CUX1: variants seen among roughly 807,000 people sequenced by gnomAD.
CUX1 encodes cut like homeobox 1.
Under a neutral mutation model 158.8 loss-of-function variants are expected in CUX1, and 31 were observed. The observed-to-expected ratio is 0.20, with a 90% CI of 0.15 to 0.26. CUX1 has a LOEUF of 0.26. Ranked by LOEUF, CUX1 falls within the 10% of genes least tolerant of loss-of-function variation. The probability of loss-of-function intolerance (pLI) is 1.00; values close to 1 mark genes in which losing one functional copy is unlikely to be tolerated. For synonymous variants in CUX1, 879 were observed against 862.1 expected (o/e 1.02, Z -0.34); for missense variants, 1,589 against 2,014.6 (o/e 0.79, Z 4.04).
At chr7:102,044,190 T>G (rs1245691739) in intron 3 of CUX1, among the ~76,000 whole-genome samples, 1 of 151,144 alleles carries the variant, frequency 6.6e-6, no homozygotes, top group Non-Finnish European at 1.5e-5. Flanking sequence ...TCCGTTTTTT[T>G]GTTTTTTTTG....
At chr7:101,984,928 G>A (rs1814080512) in intron 2 of CUX1, among the ~76,000 whole-genome samples, 1 of 152,114 alleles carries the variant, frequency 6.6e-6, no homozygotes, top group Non-Finnish European at 1.5e-5. Context: ...AAACGTCTGA[G>A]AATTATAGAG....
chr7:102,158,900 C>T (rs563856060), intron 9 of CUX1, among the ~76,000 whole-genome samples: 1 of 152,352 alleles, frequency 6.6e-6, no homozygotes, highest in East Asian at 1.9e-4. Flanking sequence ...CATCTCTAAA[C>T]ACCCGTCTTT....
chr7:101,850,063 A>G (rs1796113222), intron 1 of CUX1, among the ~76,000 whole-genome samples: 3 of 152,040 alleles, frequency 2.0e-5, no homozygotes, highest in South Asian at 4.2e-4. Flanking sequence ...AGCTGGGATT[A>G]TAGGAATGTG....
chr7:101,921,603 C>T (rs780550344), intron 2 of CUX1, among the ~76,000 whole-genome samples: 7 of 151,950 alleles, frequency 4.6e-5, no homozygotes, highest in Non-Finnish European at 8.8e-5. Context: ...TGGAATTACA[C>T]GTACCCGTCA....
chr7:101,916,823 G>A lies in CUX1; in HGVS notation c.141+598G>A, dbSNP rs1235647015. 6.6e-6 allele frequency among the ~76,000 whole-genome samples: 1 copy of A among 152,080 alleles called. No individual in the cohort carries two copies. Among genetic ancestry groups the A allele is most frequent in the Non-Finnish European group, 1.5e-5 (1 of 68,020 alleles). On this transcript the variant is annotated intron_variant, in intron 2 of 23. Coordinates refer to ENST00000292535, the MANE Select transcript of CUX1 (RefSeq NM_181552.4). This position sits in a 1 kb window ranked among gnomAD's most constrained non-coding sequence, Gnocchi z 4.4. The stretch of plus-strand genomic sequence containing the variant: ...TTCTCTCGTGAGTGTGCAATCGGGG[G>A]ACAGTGTTGAGTTGCTGGGGTGGCG...
chr7:101,949,585 T>C (rs1159126281), intron 2 of CUX1, among the ~76,000 whole-genome samples: 3 of 149,348 alleles, frequency 2.0e-5, no homozygotes, highest in Non-Finnish European at 4.5e-5. Context: ...GGCTGGAATG[T>C]AGTGGCACGA....
intron 1 of CUX1, among the ~76,000 whole-genome samples, chr7:101,846,004 T>C (rs1351545640): frequency 6.7e-6 from 1 of 149,308 alleles, no homozygotes; most frequent in African/African-American, 2.5e-5. Context: ...GGAGACTCCA[T>C]CTAAAAAAAA....
chr7:101,955,064 G>A (rs543215414), intron 2 of CUX1, among the ~76,000 whole-genome samples: 2 of 152,008 alleles, frequency 1.3e-5, no homozygotes, highest in African/African-American at 2.4e-5. Flanking sequence ...CCAGCTACTC[G>A]AGAGGCAGGA....
At chr7:102,056,241 A>G (rs1356653329) in intron 3 of CUX1, among the ~76,000 whole-genome samples, 4 of 152,264 alleles carry the variant, frequency 2.6e-5, no homozygotes, top group Non-Finnish European at 5.9e-5. Context: ...ATGGCGCTAC[A>G]CAACAGATTT....
chr7:102,054,928 G>A (rs1363229504), intron 3 of CUX1, among the ~76,000 whole-genome samples: 5 of 151,492 alleles, frequency 3.3e-5, no homozygotes, highest in Non-Finnish European at 7.4e-5. Flanking sequence ...CTGAGGTTGT[G>A]ACAGTGCACT....
chr7:101,872,359 C>A (rs556726365), intron 1 of CUX1, among the ~76,000 whole-genome samples: 24 of 152,106 alleles, frequency 1.6e-4, no homozygotes, highest in African/African-American at 5.8e-4. Flanking sequence ...GTCTTGAATT[C>A]CTGACCTCAA....
chr7:101,956,260 A>T (rs1372234720), intron 2 of CUX1, among the ~76,000 whole-genome samples: 1 of 152,142 alleles, frequency 6.6e-6, no homozygotes, highest in Non-Finnish European at 1.5e-5. Context: ...TGAAATGAGA[A>T]TCGCAGTGCC....
chr7:102,208,620 G>T (rs180792217), intron 20 of CUX1, among the ~76,000 whole-genome samples: 1 of 152,298 alleles, frequency 6.6e-6, no homozygotes, highest in East Asian at 1.9e-4. Flanking sequence ...TGACATGAGA[G>T]ACTAGAATCT....
chr7:102,055,253 A>G (rs1263953359), intron 3 of CUX1, among the ~76,000 whole-genome samples: 1 of 151,966 alleles, frequency 6.6e-6, no homozygotes, highest in Non-Finnish European at 1.5e-5. Flanking sequence ...TATTGCAAAC[A>G]TGTAGAAAGA....
At chr7:101,920,973 G>A (rs901256426) in intron 2 of CUX1, among the ~76,000 whole-genome samples, 1 of 151,962 alleles carries the variant, frequency 6.6e-6, no homozygotes, top group East Asian at 1.9e-4. Context: ...CTATAGGTGC[G>A]TGCCACCACA....
At chr7:102,162,897 C>G (rs1450163016) in intron 9 of CUX1, among the ~76,000 whole-genome samples, 3 of 152,132 alleles carry the variant, frequency 2.0e-5, no homozygotes, top group African/African-American at 7.2e-5. Context: ...AGCTCCCTGT[C>G]ACCAGAGCTA....
intron 8 of CUX1, among the ~76,000 whole-genome samples, chr7:102,142,822 C>T (rs1339168028): frequency 5.2e-5 from 7 of 135,806 alleles, no homozygotes; most frequent in Non-Finnish European, 7.9e-5. Flanking sequence ...CTTGGGAGGC[C>T]GAGGCAGGAG....
chr7:101,974,019 C>T (rs1266141777), intron 2 of CUX1, among the ~76,000 whole-genome samples: 1 of 151,718 alleles, frequency 6.6e-6, no homozygotes, highest in East Asian at 1.9e-4. Flanking sequence ...CCACTCGCCT[C>T]AGCCTCCCAA....
intron 1 of CUX1, among the ~76,000 whole-genome samples, chr7:101,879,500 C>T (rs1053669909): frequency 6.6e-6 from 1 of 152,236 alleles, no homozygotes; most frequent in African/African-American, 2.4e-5. Flanking sequence ...GTCCCAGTTG[C>T]TTCCCTGTGG....
Sources: gnomAD v4.1 joint callset for allele counts (sites outside exome capture counted in the v4.1 genomes callset) on GRCh38, gnomAD v4.1.1 for gene constraint, Gnocchi (gnomAD v3.1) non-coding constraint, MANE v1.5 for transcripts, NCBI Gene and HGNC (gene_info 2026-07-23, HGNC 2026-07-21) for gene names.